The following CIDEC variants were observed in gnomAD, a reference collection of about 807,000 sequenced individuals.
CIDEC encodes lipid transferase CIDEC.
In CIDEC, 11 loss-of-function variants were observed where a neutral mutation model predicts 21.9. That is an observed-to-expected ratio of 0.50 (90% confidence interval 0.32 to 0.83). CIDEC has a LOEUF of 0.83. CIDEC is among the 40% of genes least tolerant of loss of function. The pLI is 0.04. For synonymous variants in CIDEC, 127 were observed against 124.9 expected, an observed-to-expected ratio of 1.02 and a Z score of -0.11; for missense variants, 302 against 302.3, an observed-to-expected ratio of 1.00 and a Z score of 0.01.
intron 4 of CIDEC, among the ~76,000 whole-genome samples, chr3:9,870,890 T>C (rs4686379): frequency 0.16 from 24,180 of 152,098 alleles, 2,134 homozygotes; most frequent in Admixed American, 0.24. Flanking sequence ...TCCTTCTACC[T>C]TGGCCTCCCA....
At chr3:9,877,523 G>A (rs773160405) in intron 3 of CIDEC, among the ~76,000 whole-genome samples, 1 of 152,186 alleles carries the variant, frequency 6.6e-6, no homozygotes, top group African/African-American at 2.4e-5. Context: ...AGCCAGTGTG[G>A]TGGCACATGC....
intron 4 of CIDEC, among the ~76,000 whole-genome samples, chr3:9,876,780 A>C (rs889422499): frequency 6.9e-6 from 1 of 144,544 alleles, no homozygotes; most frequent in Non-Finnish European, 1.5e-5. Flanking sequence ...AAAAAAAAAA[A>C]AAAACTAATG....
At chr3:9,867,856 G>C (rs1416944619) in intron 6 of CIDEC, among the ~76,000 whole-genome samples, 1 of 151,664 alleles carries the variant, frequency 6.6e-6, no homozygotes, top group Non-Finnish European at 1.5e-5. Context: ...CTTGAACCTG[G>C]GAGACAGAGG....
Position 9,866,929 on chromosome 3 carries a change from C to A in CIDEC, c.*205G>T. On this transcript the variant is annotated 3_prime_UTR_variant, in exon 7 of 7. Coordinates refer to ENST00000336832, the MANE Select transcript of CIDEC (RefSeq NM_001321142.2). ...CTAAGCTGCCTTGGGCAGGAAGGAGCTGGATCAGGCCAGGAGCTTGAGGTT... is the reference window on the plus strand; with the variant it reads ...CTAAGCTGCCTTGGGCAGGAAGGAGATGGATCAGGCCAGGAGCTTGAGGTT... The A allele has an allele frequency of 3.0e-6, 2 of 664,622 alleles. No individual in the cohort carries two copies. The highest frequency in any genetic ancestry group is 5.5e-6 in the Non-Finnish European group (2 of 366,628). 41.2% of individuals were successfully genotyped at this position (664,622 alleles called of 1,614,324 possible). A position where few individuals can be genotyped will look rare whatever the true frequency, so the allele number is the denominator to read the frequency against.
At position 9,877,118 on chromosome 3, in the gene CIDEC, C is replaced by G; in HGVS notation, c.155G>C (p.Arg52Pro). The G allele has an allele frequency of 1.3e-6, 2 of 1,553,086 alleles. No homozygotes were observed. The highest frequency in any genetic ancestry group is 1.7e-6 in the Non-Finnish European group (2 of 1,147,706). ...ARPCRVSTAD[R>P]SVRKGIMAYS... Reference sequence around the variant, plus strand: ...AGCCATGATGCCCTTCCTCACGCTTCGATCCGCCGTGCTTACGCGGCAGGG... The same window carrying G: ...AGCCATGATGCCCTTCCTCACGCTTGGATCCGCCGTGCTTACGCGGCAGGG... Residue 52 changes from arginine to proline, a missense_variant, in exon 4 of 7, where the codon CGA becomes CCA. Transcript: ENST00000336832.
intron 3 of CIDEC, among the ~76,000 whole-genome samples, chr3:9,877,720 C>T (rs545806563): frequency 1.3e-5 from 2 of 152,156 alleles, no homozygotes; most frequent in Non-Finnish European, 2.9e-5. Flanking sequence ...TCTCAAACTT[C>T]GAAGGACACA....
Position 9,867,011 on chromosome 3 carries a change from C to A in CIDEC, c.*123G>T. On this transcript the variant is annotated 3_prime_UTR_variant, in exon 7 of 7. Coordinates refer to ENST00000336832, the MANE Select transcript of CIDEC (RefSeq NM_001321142.2). ...CTCCTCCTCCTCACTCAGGGTCCTG[C>A]GCGGTGAGGGAGGTGTGGGGAGGTT... 1 of 1,059,370 alleles carries A rather than the reference C, an allele frequency of 9.4e-7. No homozygotes were observed. 65.6% of individuals were successfully genotyped at this position (1,059,370 alleles called of 1,614,324 possible).
chr3:9,870,139 T>C, intron 5 of CIDEC, 25 bp downstream of exon 5: 1 of 1,614,052 alleles, frequency 6.2e-7, no homozygotes, highest in Non-Finnish European at 8.5e-7. Flanking sequence ...TTCTCCCCCA[T>C]CAGGTGCAAC....
intron 4 of CIDEC, among the ~76,000 whole-genome samples, chr3:9,875,439 A>G (rs1272116963): frequency 2.0e-5 from 3 of 152,160 alleles, no homozygotes; most frequent in African/African-American, 7.2e-5. Context: ...GTAAACAAAA[A>G]TAGCTGGCTC....
At chr3:9,878,732 G>T in intron 2 of CIDEC, 2 of 1,535,350 alleles carry the variant, frequency 1.3e-6, no homozygotes, top group Non-Finnish European at 1.7e-6. Flanking sequence ...GGGTGCTCAG[G>T]CTCAGCCTCA....
intron 4 of CIDEC, among the ~76,000 whole-genome samples, chr3:9,871,345 A>ATT (rs58903003): frequency 3.1e-4 from 37 of 120,688 alleles, no homozygotes; most frequent in South Asian, 1.1e-3. Flanking sequence ...TGCCCAGCTA[A>ATT]TTTTTTTTTT....
At chr3:9,873,122 G>A (rs1034508155) in intron 4 of CIDEC, among the ~76,000 whole-genome samples, 4 of 151,898 alleles carry the variant, frequency 2.6e-5, no homozygotes, top group Non-Finnish European at 4.4e-5. Context: ...CCCTTTGGTC[G>A]CTCTGCTTTG....
chr3:9,878,866 C>T (rs1354633982), intron 2 of CIDEC, 76 bp downstream of exon 2: 3 of 1,508,980 alleles, frequency 2.0e-6, no homozygotes, highest in African/African-American at 1.4e-5. Flanking sequence ...TGTTCCTGTC[C>T]ATGGGGACAG....
At chr3:9,879,482 A>AT (rs1200036130) in intron 1 of CIDEC, among the ~76,000 whole-genome samples, 6 of 151,948 alleles carry the variant, frequency 3.9e-5, no homozygotes, top group African/African-American at 1.2e-4. Context: ...CAGGAGCTGT[A>AT]TTTTTTACTT....
rs143319966 is a variant in CIDEC, at chr3:9,870,534, A to G, written c.208-212T>C. 8.1e-5 allele frequency: 114 copies of G among 1,401,732 alleles called. No individual in the cohort carries two copies. In the East Asian group the frequency reaches 2.7e-3, roughly 33 times the overall value. The allele number at this position is 1,401,732 out of a possible 1,614,324, so 86.8% of individuals were successfully genotyped here. ...GTCACATATAATTTTTAATTGTGAT[A>G]CAGTTTACATACTCTAAAAGTTACC... On this transcript the variant is annotated intron_variant, in intron 4 of 6. Coordinates refer to ENST00000336832, the MANE Select transcript of CIDEC (RefSeq NM_001321142.2).
chr3:9,879,299 C>T lies in CIDEC; in HGVS notation c.-138-245G>A, dbSNP rs373615413. The stretch of plus-strand genomic sequence containing the variant: ...CCCCCGTAGCTGGGATTACAGGCAC[C>T]TGCCACCACGCCCAGCTAATTTTTA... On this transcript the variant is annotated intron_variant, in intron 1 of 6. Transcript: ENST00000336832. Among the ~76,000 whole-genome samples the T allele has an allele frequency of 6.6e-5, 10 of 152,046 alleles. No individual in the cohort carries two copies. The East Asian group carries it at 9.7e-4, about 15-fold the overall frequency.
chr3:9,872,389 G>A (rs879441954), intron 4 of CIDEC, among the ~76,000 whole-genome samples: 1,680 of 152,136 alleles, frequency 0.011, 27 homozygotes, highest in African/African-American at 0.039. Flanking sequence ...TACCCAGGCT[G>A]GTCTTGAACT....
Position 9,868,149 on chromosome 3 carries a change from G to A in CIDEC, c.555-853C>T, listed in dbSNP as rs1393842532. The stretch of plus-strand genomic sequence containing the variant: ...CTGCAGATGGGATCAAGATTAGTGC[G>A]AGGACCTGCAATTCCACCTTAACTG... On this transcript the variant is annotated intron_variant, in intron 6 of 6. Transcript: ENST00000336832. Among the ~76,000 whole-genome samples the A allele has an allele frequency of 3.3e-5, 5 of 152,198 alleles. 1 individual carries two copies. Among genetic ancestry groups the A allele is most frequent in the African/African-American group, 1.2e-4 (5 of 41,448 alleles).
chr3:9,867,756 C>A, intron 6 of CIDEC, among the ~76,000 whole-genome samples: 1 of 152,176 alleles, frequency 6.6e-6, no homozygotes, highest in South Asian at 2.1e-4. Context: ...GGCGAAACCC[C>A]GTCTCTACTA....
Sources: gnomAD v4.1 joint callset for allele counts (sites outside exome capture counted in the v4.1 genomes callset) on GRCh38, gnomAD v4.1.1 for gene constraint, MANE v1.5 for transcripts, NCBI Gene and HGNC (gene_info 2026-07-23, HGNC 2026-07-21) for gene names.